NTM: variants seen among roughly 807,000 people sequenced by gnomAD.
NTM encodes IgLON family member 2.
NTM carries 13 observed loss-of-function variants against 42.1 expected under a neutral mutation model. The ratio of observed to expected loss-of-function variants is 0.31; its 90% CI spans 0.20 to 0.49. The LOEUF (loss-of-function observed/expected upper bound fraction) is 0.49, where lower values mean the gene tolerates loss of function less well. Among genes scored for constraint, NTM ranks in the 20% least tolerant of loss-of-function variants. NTM has a pLI of 0.99. For synonymous variants in NTM, 187 were observed against 179.2 expected (o/e 1.04, Z -0.35); for missense variants, 373 against 452.8 (o/e 0.82, Z 1.60).
chr11:132,247,976 C>A (rs1000992326), intron 4 of NTM, among the ~76,000 whole-genome samples: 1 of 152,210 alleles, frequency 6.6e-6, no homozygotes, highest in African/African-American at 2.4e-5. Flanking sequence ...CTCACCTTCT[C>A]TCCACAGGCC....
chr11:131,583,647 A>G (rs1183005552), intron 1 of NTM, among the ~76,000 whole-genome samples: 1 of 152,204 alleles, frequency 6.6e-6, no homozygotes, highest in African/African-American at 2.4e-5. Flanking sequence ...GCGGATTAAT[A>G]TCTGCTAAAC....
chr11:131,708,477 A>G (rs1320624992), intron 1 of NTM, among the ~76,000 whole-genome samples: 2 of 152,214 alleles, frequency 1.3e-5, no homozygotes, highest in Non-Finnish European at 2.9e-5. Flanking sequence ...ATTTGGCTGC[A>G]TGAAACAAAT....
At chr11:131,543,133 G>A (rs1484546104) in intron 1 of NTM, among the ~76,000 whole-genome samples, 1 of 152,126 alleles carries the variant, frequency 6.6e-6, no homozygotes, top group African/African-American at 2.4e-5. Context: ...TCCTACTTGT[G>A]AGCCAGTTGA....
At chr11:131,994,990 T>C (rs192740924) in intron 2 of NTM, among the ~76,000 whole-genome samples, 21 of 152,314 alleles carry the variant, frequency 1.4e-4, no homozygotes, top group Admixed American at 1.3e-3. Flanking sequence ...CATGTGCATT[T>C]ATGCTGCCAC....
chr11:132,040,932 C>T (rs1594025968), intron 2 of NTM, among the ~76,000 whole-genome samples: 1 of 152,286 alleles, frequency 6.6e-6, no homozygotes, highest in East Asian at 1.9e-4. Context: ...AAAAGGGGGT[C>T]ATAGCTAGCT....
rs566107816 is a variant in NTM, at chr11:132,184,059, C to T, written c.401-27963C>T. ...CCTGGTGCCAAGCACAAACTGGAAA[C>T]GATGAAAGTGGAGCTGAAGATTTTG... is the stretch of plus-strand genomic sequence containing the variant. On this transcript the variant is annotated intron_variant, in intron 3 of 8. Coordinates refer to ENST00000683400, the MANE Select transcript of NTM (RefSeq NM_001352005.2). 1.1e-4 allele frequency among the ~76,000 whole-genome samples: 17 copies of T among 152,204 alleles called. No individual in the cohort carries two copies. In the East Asian group the frequency reaches 2.1e-3, roughly 19 times the overall value.
intron 2 of NTM, among the ~76,000 whole-genome samples, chr11:132,004,768 G>A (rs772519517): frequency 5.4e-4 from 82 of 152,036 alleles, no homozygotes; most frequent in Non-Finnish European, 5.0e-4. Context: ...TGGTACCTAG[G>A]GGATTGATTC....
At chr11:131,527,711 G>C (rs531994229) in intron 1 of NTM, among the ~76,000 whole-genome samples, 1 of 152,138 alleles carries the variant, frequency 6.6e-6, no homozygotes, top group Admixed American at 6.5e-5. Context: ...TGCTTACAAC[G>C]TTATGGGAGC....
At chr11:131,390,637 G>A (rs1943884682) in intron 1 of NTM, among the ~76,000 whole-genome samples, 1 of 152,296 alleles carries the variant, frequency 6.6e-6, no homozygotes, top group South Asian at 2.1e-4. Context: ...GAAGAAAGTG[G>A]TGCAGGCCTG....
intron 1 of NTM, among the ~76,000 whole-genome samples, chr11:131,440,407 G>A (rs1228453414): frequency 6.6e-6 from 1 of 152,122 alleles, no homozygotes; most frequent in Non-Finnish European, 1.5e-5. Context: ...CTGTATTCTT[G>A]TGGGTGGCTT....
intron 1 of NTM, among the ~76,000 whole-genome samples, chr11:131,394,802 A>C (rs114016370): frequency 4.6e-5 from 7 of 152,110 alleles, no homozygotes; most frequent in African/African-American, 1.7e-4. Context: ...ATACTTAATC[A>C]TGGATAAGTT....
At chr11:131,641,745 T>G (rs916412310) in intron 1 of NTM, among the ~76,000 whole-genome samples, 2 of 151,496 alleles carry the variant, frequency 1.3e-5, no homozygotes, top group African/African-American at 4.8e-5. Flanking sequence ...TTTTTTTTTT[T>G]TTGATGGAGT....
intron 1 of NTM, among the ~76,000 whole-genome samples, chr11:131,676,169 C>T (rs1008355908): frequency 1.3e-5 from 2 of 152,236 alleles, no homozygotes; most frequent in African/African-American, 2.4e-5. Flanking sequence ...CACAAAGGTC[C>T]ATTTTGTCTC....
chr11:131,622,190 T>C (rs2137666138), intron 1 of NTM, among the ~76,000 whole-genome samples: 1 of 152,188 alleles, frequency 6.6e-6, no homozygotes, highest in African/African-American at 2.4e-5. Flanking sequence ...TGTAATTAGG[T>C]AAAAGTGCTA....
At position 131,845,754 on chromosome 11, in the gene NTM, A is replaced by G. The variant is rs918767045; in HGVS notation, c.83-65810A>G. 3.3e-5 allele frequency among the ~76,000 whole-genome samples: 5 copies of G among 151,876 alleles called. No homozygotes were observed. In the East Asian group the frequency reaches 9.7e-4, roughly 29 times the overall value. ...TCTTGCTCTCTAAAACCACTGTAATATTTTAAAAAAATAAAAGAAAAAAGA... is the reference window on the plus strand; with the variant it reads ...TCTTGCTCTCTAAAACCACTGTAATGTTTTAAAAAAATAAAAGAAAAAAGA... On this transcript the variant is annotated intron_variant, in intron 1 of 8. Coordinates refer to ENST00000683400, the MANE Select transcript of NTM (RefSeq NM_001352005.2).
At chr11:131,733,753 C>T (rs1480446953) in intron 1 of NTM, among the ~76,000 whole-genome samples, 3 of 152,058 alleles carry the variant, frequency 2.0e-5, no homozygotes, top group Non-Finnish European at 4.4e-5. Flanking sequence ...GGCCAGGCTG[C>T]TCTCGAACCC....
At chr11:131,465,157 A>AT (rs1565529699) in intron 1 of NTM, among the ~76,000 whole-genome samples, 1 of 152,116 alleles carries the variant, frequency 6.6e-6, no homozygotes, top group Non-Finnish European at 1.5e-5. Flanking sequence ...TGACCCTCCC[A>AT]TTTGGGCTTT....
intron 3 of NTM, among the ~76,000 whole-genome samples, chr11:132,159,226 G>C (rs563877403): frequency 1.3e-5 from 2 of 152,130 alleles, no homozygotes; most frequent in African/African-American, 4.8e-5. Flanking sequence ...TAGAGCAGCC[G>C]ATCCATGGCC....
intron 4 of NTM, among the ~76,000 whole-genome samples, chr11:132,224,000 T>A (rs1323460255): frequency 6.6e-6 from 1 of 152,108 alleles, no homozygotes; most frequent in Non-Finnish European, 1.5e-5. Context: ...CCTCGATGAA[T>A]CTTGAGGGAC....
Sources: allele counts gnomAD v4.1 joint callset (sites outside exome capture counted in the v4.1 genomes callset), GRCh38; gene constraint gnomAD v4.1.1; transcripts MANE v1.5; gene names NCBI Gene and HGNC (gene_info 2026-07-23, HGNC 2026-07-21).